KCNAB2: variants seen among roughly 807,000 people sequenced by gnomAD.
The protein encoded by KCNAB2 is potassium voltage-gated channel subfamily A regulatory beta subunit 2, also known as voltage-gated potassium channel subunit beta-2.
In KCNAB2, 29 loss-of-function variants were observed where a neutral mutation model predicts 63.6. The observed-to-expected ratio is 0.46, with a 90% CI of 0.34 to 0.62. The LOEUF (loss-of-function observed/expected upper bound fraction) is 0.62. Ranked by LOEUF, KCNAB2 falls within the 20% of genes least tolerant of loss-of-function variation. The pLI is 0.01. For synonymous variants in KCNAB2, 222 were observed against 224.2 expected, an observed-to-expected ratio of 0.99 and a Z score of 0.09; for missense variants, 359 against 563.9, an observed-to-expected ratio of 0.64 and a Z score of 3.68.
chr1:6,063,339 TA>T (rs1662478609), intron 2 of KCNAB2, among the ~76,000 whole-genome samples: 2 of 151,946 alleles, frequency 1.3e-5, no homozygotes, highest in Admixed American at 1.3e-4. Flanking sequence ...AATGGAATCA[TA>T]CGTGTTCTTT....
intron 1 of KCNAB2, among the ~76,000 whole-genome samples, chr1:6,016,267 A>G (rs963131458): frequency 6.6e-6 from 1 of 152,088 alleles, no homozygotes; most frequent in Non-Finnish European, 1.5e-5. Flanking sequence ...GCCACCCTCC[A>G]ACATCTCCGA....
At chr1:6,077,763 C>A (rs969662326) in intron 4 of KCNAB2, among the ~76,000 whole-genome samples, 4 of 152,298 alleles carry the variant, frequency 2.6e-5, no homozygotes, top group Admixed American at 2.6e-4. Context: ...CTTGCGGAGC[C>A]CCTGCCTAGC....
chr1:6,034,436 G>A (rs1282873750), exon 1 of KCNAB2: 2 of 152,354 alleles, frequency 1.3e-5, no homozygotes, highest in Non-Finnish European at 2.9e-5. Flanking sequence ...GTCATCAAAC[G>A]GTGTACAGTT....
At position 5,998,950 on chromosome 1, in the gene KCNAB2, C is replaced by T. The variant is rs755068842; in HGVS notation, c.-53+6162C>T. Among the ~76,000 whole-genome samples the T allele has an allele frequency of 3.3e-5, 5 of 152,216 alleles. No homozygotes were observed. The East Asian group carries it at 5.8e-4, about 18-fold the overall frequency. On this transcript the variant is annotated intron_variant, in intron 1 of 16. Transcript: ENST00000341524. ...GCCAATGGCTCTGGAGAGATTTGAC[C>T]GTGAAAGGAGGAAAAGGAAGGTGAG...
At chr1:6,017,892 T>C (rs779553229) in intron 1 of KCNAB2, among the ~76,000 whole-genome samples, 10 of 151,756 alleles carry the variant, frequency 6.6e-5, no homozygotes, top group Non-Finnish European at 1.3e-4. Flanking sequence ...GGAGGAGATG[T>C]TGTCCTGGAA....
At chr1:6,004,532 C>T (rs961061116) in intron 1 of KCNAB2, among the ~76,000 whole-genome samples, 1 of 152,048 alleles carries the variant, frequency 6.6e-6, no homozygotes, top group Admixed American at 6.5e-5. Flanking sequence ...GGCCTCGCTC[C>T]TGGTTCCTGG....
At chr1:6,047,286 G>C (rs1229691813) in intron 1 of KCNAB2, among the ~76,000 whole-genome samples, 1 of 152,192 alleles carries the variant, frequency 6.6e-6, no homozygotes, top group Non-Finnish European at 1.5e-5. Flanking sequence ...TTACCGGGGG[G>C]CCCTTCGTCC....
At chr1:6,080,146 AACC>A (rs1664069444) in intron 4 of KCNAB2, among the ~76,000 whole-genome samples, 1 of 152,236 alleles carries the variant, frequency 6.6e-6, no homozygotes, top group Non-Finnish European at 1.5e-5. Context: ...TGAGTGCCCT[AACC>A]ACAGACTTAG....
At chr1:5,997,392 C>G (rs1275601922) in intron 1 of KCNAB2, among the ~76,000 whole-genome samples, 1 of 152,094 alleles carries the variant, frequency 6.6e-6, no homozygotes, top group African/African-American at 2.4e-5. Flanking sequence ...GGAATAGCCT[C>G]CCTCTGAGGG....
Position 6,074,381 on chromosome 1 carries a change from T to C in KCNAB2, c.300+611T>C, listed in dbSNP as rs1453095978. ...TATGCCGCCAGCGCCTCTGGGTCTC[T>C]CGGAAGGACAGGGACGGCACACGCC... On this transcript the variant is annotated intron_variant, in intron 4 of 15. Transcript: ENST00000378083. This position sits in a 1 kb window ranked among gnomAD's most constrained non-coding sequence, Gnocchi z 4.9. Among the ~76,000 whole-genome samples the C allele has an allele frequency of 1.3e-5, 2 of 152,180 alleles. No individual in the cohort carries two copies. Among genetic ancestry groups the C allele is most frequent in the African/African-American group, 4.8e-5 (2 of 41,444 alleles).
chr1:6,041,615 C>G, upstream of KCNAB2: 1 of 572,656 alleles, frequency 1.7e-6, no homozygotes, highest in East Asian at 2.9e-5. Flanking sequence ...GGCTCCGGGT[C>G]TCTGCCCCGT....
At chr1:6,029,364 C>T (rs576064784), upstream of KCNAB2, among the ~76,000 whole-genome samples, 1 of 152,088 alleles carries the variant, frequency 6.6e-6, no homozygotes, top group East Asian at 1.9e-4. Flanking sequence ...AGGAGACCAG[C>T]AGCCAGTAGA....
chr1:6,017,922 AT>A (rs1557935179), intron 1 of KCNAB2, among the ~76,000 whole-genome samples: 2 of 147,460 alleles, frequency 1.4e-5, no homozygotes, highest in Non-Finnish European at 2.9e-5. Context: ...GCAAAAAAAA[AT>A]TTTTTTTTAG....
chr1:6,034,102 C>T (rs1393183092), upstream of KCNAB2, among the ~76,000 whole-genome samples: 1 of 152,238 alleles, frequency 6.6e-6, no homozygotes, highest in East Asian at 1.9e-4. Context: ...CTGTGCCTGC[C>T]TCCCTCTGCG....
At chr1:6,002,101 A>T (rs1383421102) in intron 1 of KCNAB2, among the ~76,000 whole-genome samples, 1 of 152,208 alleles carries the variant, frequency 6.6e-6, no homozygotes, top group Non-Finnish European at 1.5e-5. Flanking sequence ...CGGCCATGTC[A>T]TGAGGCCTTG....
intron 8 of KCNAB2, 108 bp downstream of exon 8, chr1:6,089,159 G>A: frequency 8.2e-7 from 1 of 1,213,766 alleles, no homozygotes; most frequent in East Asian, 2.6e-5. Context: ...CCCACTGAGG[G>A]CCCAATCCCG....
In KCNAB2 at chr1:6,086,324, A is replaced by C; in HGVS notation, c.425+1076A>C. ...TTTTTGGCAACTCTGATCCCAAAAC[A>C]AATTCCTCCTCACCCTGTAATTAAA... On this transcript the variant is annotated intron_variant, in intron 6 of 15. Transcript: ENST00000378083. The surrounding 1 kb of genome is among the most constrained non-coding windows in gnomAD (Gnocchi z 4.2). 4 of 985,040 alleles carry C rather than the reference A, an allele frequency of 4.1e-6. No homozygotes were observed. Among genetic ancestry groups the C allele is most frequent in the Non-Finnish European group, 4.8e-6 (4 of 829,870 alleles). 61.0% of individuals were successfully genotyped at this position (985,040 alleles called of 1,614,324 possible).
chr1:6,007,494 G>C (rs1026046807), intron 1 of KCNAB2: 1 of 130,978 alleles, frequency 7.6e-6, no homozygotes, highest in Non-Finnish European at 1.7e-5. Flanking sequence ...TCCATCCGTG[G>C]GGAGCCGCGC....
chr1:6,035,453 C>T lies in KCNAB2; in HGVS notation c.-53+659C>T, dbSNP rs182807620. 3.4e-3 allele frequency among the ~76,000 whole-genome samples: 516 copies of T among 152,126 alleles called. 2 individuals are homozygous for T. Among genetic ancestry groups the T allele is most frequent in the African/African-American group, 0.012 (478 of 41,496 alleles). On this transcript the variant is annotated intron_variant, in intron 1 of 15. Transcript: ENST00000164247. This position sits in a 1 kb window ranked among gnomAD's most constrained non-coding sequence, Gnocchi z 5.0. Reference sequence around the variant, plus strand: ...ATGCTGTGAGGAGCAGCATGAGAGCCGGTGGCAGCTGGGCAGGAGAGGAGA... The same window carrying T: ...ATGCTGTGAGGAGCAGCATGAGAGCTGGTGGCAGCTGGGCAGGAGAGGAGA...
Sources: allele counts gnomAD v4.1 joint callset (sites outside exome capture counted in the v4.1 genomes callset), GRCh38; gene constraint gnomAD v4.1.1; non-coding constraint Gnocchi (gnomAD v3.1); transcripts MANE v1.5; gene names NCBI Gene and HGNC (gene_info 2026-07-23, HGNC 2026-07-21).